Variants in KLRD1 observed in about 807,000 individuals in gnomAD.
KLRD1 encodes the protein natural killer cells antigen CD94.
A neutral mutation model predicts 22.6 loss-of-function variants in KLRD1; 21 were observed. The ratio of observed to expected loss-of-function variants is 0.93; its 90% CI spans 0.66 to 1.34. The LOEUF (loss-of-function observed/expected upper bound fraction) is 1.34. KLRD1 is among the 40% of genes most tolerant of loss of function. The pLI is 0.00. For synonymous variants in KLRD1, 59 were observed against 71.1 expected, an observed-to-expected ratio of 0.83 and a Z score of 0.85; for missense variants, 183 against 208.6, an observed-to-expected ratio of 0.88 and a Z score of 0.76.
At chr12:10,312,051 C>CTTTTTTTTTTT in intron 4 of KLRD1, among the ~76,000 whole-genome samples, 1 of 123,198 alleles carries the variant, frequency 8.1e-6, no homozygotes, top group Non-Finnish European at 1.7e-5. Flanking sequence ...CTTTTCTTTT[C>CTTTTTTTTTTT]TTTTTTTTTT....
chr12:10,314,433 A>G (rs566592488), intron 5 of KLRD1, among the ~76,000 whole-genome samples: 119 of 152,340 alleles, frequency 7.8e-4, no homozygotes, highest in African/African-American at 2.7e-3. Flanking sequence ...ATTAATGACA[A>G]CAGAAAAACA....
intron 1 of KLRD1, among the ~76,000 whole-genome samples, chr12:10,291,297 T>TGTC (rs931730125): frequency 2.6e-5 from 4 of 152,156 alleles, no homozygotes; most frequent in African/African-American, 9.7e-5. Flanking sequence ...TTTCTAAAAA[T>TGTC]AAGACAACAA....
At chr12:10,274,648 A>T (rs1004242165) in intron 1 of KLRD1, among the ~76,000 whole-genome samples, 6 of 152,290 alleles carry the variant, frequency 3.9e-5, no homozygotes, top group South Asian at 2.1e-4. Context: ...ATGACTTCAG[A>T]AATGTCATTC....
chr12:10,302,138 A>C (rs7136409), upstream of KLRD1, among the ~76,000 whole-genome samples: 20,771 of 152,186 alleles, frequency 0.14, 1,879 homozygotes, highest in East Asian at 0.3. Flanking sequence ...TGACAGTTGC[A>C]AAATGTGACG....
chr12:10,260,626 C>G (rs988514906), intron 1 of KLRD1, among the ~76,000 whole-genome samples: 1 of 133,502 alleles, frequency 7.5e-6, no homozygotes, highest in South Asian at 2.7e-4. Flanking sequence ...CATGATGAAA[C>G]CCCGTCTCTA....
At chr12:10,309,954 G>A (rs1265202453) in intron 3 of KLRD1, among the ~76,000 whole-genome samples, 1 of 152,116 alleles carries the variant, frequency 6.6e-6, no homozygotes, top group African/African-American at 2.4e-5. Flanking sequence ...TCATAATTAA[G>A]TAACAAAAAA....
chr12:10,303,938 A>G (rs1174639897), upstream of KLRD1, among the ~76,000 whole-genome samples: 2 of 152,222 alleles, frequency 1.3e-5, no homozygotes, highest in Non-Finnish European at 2.9e-5. Flanking sequence ...GAGAGGGGCA[A>G]TGATAACTTG....
At chr12:10,259,063 T>A (rs981535205) in intron 1 of KLRD1, among the ~76,000 whole-genome samples, 2 of 152,200 alleles carry the variant, frequency 1.3e-5, no homozygotes, top group Non-Finnish European at 2.9e-5. Flanking sequence ...TACCTGGGGA[T>A]GCTTCTACTT....
chr12:10,239,447 TTCC>T (rs1565443080), intron 1 of KLRD1, among the ~76,000 whole-genome samples: 9 of 34,208 alleles, frequency 2.6e-4, no homozygotes, highest in African/African-American at 4.9e-4. Context: ...CCTTCCTTCC[TTCC>T]TTCCTTCCTT....
chr12:10,328,556 A>G lies in KLRD1; in HGVS notation c.*13763A>G, dbSNP rs905238256. The G allele has an allele frequency of 4.6e-5, 7 of 152,274 alleles. No individual in the cohort carries two copies. The highest frequency in any genetic ancestry group is 2.6e-4 in the Admixed American group (4 of 15,290). 9.4% of individuals were successfully genotyped at this position (152,274 alleles called of 1,614,324 possible). ...CTCTCTTCTTTTTCTTAGTCTAGCTAAAGGTTTGTCAAGTTATTTATATTT... is the reference window on the plus strand; with the variant it reads ...CTCTCTTCTTTTTCTTAGTCTAGCTGAAGGTTTGTCAAGTTATTTATATTT... On this transcript the variant is annotated 3_prime_UTR_variant, in exon 6 of 6. Coordinates refer to ENST00000336164, the MANE Select transcript of KLRD1 (RefSeq NM_002262.5).
In KLRD1 at chr12:10,318,293, TC is replaced by T. The variant is rs1035930124; in HGVS notation, c.*3501del. ...TGAGTTCTTTAAAGTTCAAAATCCC[TC>T]AGTGGAATCCAGGGTCAATTTGTTT... On this transcript the variant is annotated 3_prime_UTR_variant, in exon 6 of 6. Coordinates refer to ENST00000336164, the MANE Select transcript of KLRD1 (RefSeq NM_002262.5). 2 of 152,146 alleles carry T rather than the reference TC, an allele frequency of 1.3e-5. No individual in the cohort carries two copies. Among genetic ancestry groups the T allele is most frequent in the Non-Finnish European group, 2.9e-5 (2 of 68,028 alleles). 9.4% of individuals were successfully genotyped at this position (152,146 alleles called of 1,614,324 possible). A position where few individuals can be genotyped will look rare whatever the true frequency, so the allele number is the denominator to read the frequency against.
intron 1 of KLRD1, among the ~76,000 whole-genome samples, chr12:10,267,424 A>C (rs1015125369): frequency 6.6e-6 from 1 of 152,198 alleles, no homozygotes. Flanking sequence ...TTAATAAAAA[A>C]ATTTCACTAA....
chr12:10,267,027 C>T (rs1021345894), intron 1 of KLRD1, among the ~76,000 whole-genome samples: 4 of 151,716 alleles, frequency 2.6e-5, no homozygotes, highest in African/African-American at 9.7e-5. Context: ...TGGTGTGCTG[C>T]ACCCATTAAC....
chr12:10,292,323 A>T (rs1009940217), intron 1 of KLRD1, among the ~76,000 whole-genome samples: 1 of 152,220 alleles, frequency 6.6e-6, no homozygotes, highest in South Asian at 2.1e-4. Context: ...TTGAATTTAC[A>T]TTGCCCAGTT....
At chr12:10,240,156 G>A (rs1250785753) in intron 1 of KLRD1, among the ~76,000 whole-genome samples, 1 of 151,730 alleles carries the variant, frequency 6.6e-6, no homozygotes, top group African/African-American at 2.4e-5. Context: ...AACCTCCCAG[G>A]CTCAAGCTAC....
At chr12:10,257,444 C>G (rs1238608254) in intron 1 of KLRD1, among the ~76,000 whole-genome samples, 1 of 142,722 alleles carries the variant, frequency 7.0e-6, no homozygotes, top group African/African-American at 2.7e-5. Context: ...TCTTCTGACT[C>G]AGTAATTTCA....
At chr12:10,246,928 C>CTTTTTT (rs1208226436) in intron 1 of KLRD1, among the ~76,000 whole-genome samples, 46 of 129,684 alleles carry the variant, frequency 3.5e-4, no homozygotes, top group African/African-American at 1.2e-3. Context: ...CTTTTCTTTT[C>CTTTTTT]TTTTCTTTTT....
upstream of KLRD1, chr12:10,307,807 G>T: frequency 2.6e-6 from 1 of 384,176 alleles, no homozygotes; most frequent in South Asian, 6.5e-5. Flanking sequence ...CAAAAGTACT[G>T]TGAGAATTTC....
intron 1 of KLRD1, among the ~76,000 whole-genome samples, chr12:10,298,968 C>G (rs909536669): frequency 2.0e-5 from 3 of 152,204 alleles, no homozygotes; most frequent in Non-Finnish European, 4.4e-5. Flanking sequence ...AGGGTCTCCA[C>G]GACTGAGCTG....
Sources: gnomAD v4.1 joint callset for allele counts (sites outside exome capture counted in the v4.1 genomes callset) on GRCh38, gnomAD v4.1.1 for gene constraint, MANE v1.5 for transcripts, NCBI Gene and HGNC (gene_info 2026-07-23, HGNC 2026-07-21) for gene names.